KAZN: variants seen among roughly 807,000 people sequenced by gnomAD.
KAZN encodes kazrin, periplakin interacting protein.
A neutral mutation model predicts 87.4 loss-of-function variants in KAZN; 40 were observed. That is an observed-to-expected ratio of 0.46 (90% confidence interval 0.36 to 0.60). The LOEUF is 0.60. KAZN is among the 20% of genes least tolerant of loss of function. The pLI, the probability that KAZN is intolerant of heterozygous loss-of-function variation, is 0.00. For synonymous variants in KAZN, 466 were observed against 458.3 expected (o/e 1.02, Z -0.22); for missense variants, 898 against 1,073.9 (o/e 0.84, Z 2.29).
At chr1:13,934,884 A>G (rs1246957091) in intron 1 of KAZN, among the ~76,000 whole-genome samples, 9 of 152,204 alleles carry the variant, frequency 5.9e-5, no homozygotes, top group Non-Finnish European at 1.5e-5. Context: ...CCCTAACCCC[A>G]GTGCAGGTTC....
chr1:13,915,012 A>T (rs12028319), intron 1 of KAZN, among the ~76,000 whole-genome samples: 5,423 of 151,854 alleles, frequency 0.036, 392 homozygotes, highest in East Asian at 0.32. Flanking sequence ...GAGACAATAG[A>T]TAGTGTTTCC....
intron 1 of KAZN, among the ~76,000 whole-genome samples, chr1:14,755,265 AC>A (rs1385536194): frequency 6.6e-6 from 1 of 151,920 alleles, no homozygotes; most frequent in Non-Finnish European, 1.5e-5. Context: ...AAACAAATGA[AC>A]AAAAAACAGG....
chr1:14,773,308 T>A lies in KAZN; in HGVS notation c.226+174085T>A, dbSNP rs74058884. ...TGGCACACAGTGGTGGCCTGGCGTA[T>A]GAGAAGACCACCCCCCACCCAATCC... is the stretch of plus-strand genomic sequence containing the variant. On this transcript the variant is annotated intron_variant, in intron 1 of 14. Coordinates refer to ENST00000376030, the MANE Select transcript of KAZN (RefSeq NM_201628.3). This position sits in a 1 kb window ranked among gnomAD's most constrained non-coding sequence, Gnocchi z 5.9. Among the ~76,000 whole-genome samples the A allele has an allele frequency of 0.038, 5,706 of 152,104 alleles. 355 individuals carry two copies. Among genetic ancestry groups the A allele is most frequent in the African/African-American group, 0.13 (5,336 of 41,468 alleles).
At chr1:14,427,581 A>C (rs1370781076) in intron 2 of KAZN, among the ~76,000 whole-genome samples, 1 of 149,382 alleles carries the variant, frequency 6.7e-6, no homozygotes, top group Non-Finnish European at 1.5e-5. Context: ...ATATGTGTAC[A>C]CATATGTGTA....
At chr1:14,230,742 T>G (rs561762210) in intron 2 of KAZN, among the ~76,000 whole-genome samples, 1 of 152,330 alleles carries the variant, frequency 6.6e-6, no homozygotes, top group Non-Finnish European at 1.5e-5. Flanking sequence ...AATTGTCTAT[T>G]CTCCCCCTTG....
chr1:14,741,309 G>A (rs946675689), intron 1 of KAZN, among the ~76,000 whole-genome samples: 1 of 152,220 alleles, frequency 6.6e-6, no homozygotes, highest in African/African-American at 2.4e-5. Context: ...GTTGCTCAAT[G>A]TCGGGCATGA....
intron 2 of KAZN, among the ~76,000 whole-genome samples, chr1:14,394,786 G>C (rs974235657): frequency 6.6e-6 from 1 of 152,214 alleles, no homozygotes; most frequent in African/African-American, 2.4e-5. Context: ...AACGCAGTAA[G>C]AACTCTGTGA....
chr1:14,104,446 A>T (rs1263650433), intron 1 of KAZN, among the ~76,000 whole-genome samples: 1 of 152,156 alleles, frequency 6.6e-6, no homozygotes, highest in Non-Finnish European at 1.5e-5. Flanking sequence ...TCTTGTTTAG[A>T]TAAGGTGTTG....
chr1:14,642,269 G>T (rs1038275072), intron 1 of KAZN, among the ~76,000 whole-genome samples: 1 of 152,160 alleles, frequency 6.6e-6, no homozygotes, highest in African/African-American at 2.4e-5. Context: ...GCGTGGTGGC[G>T]CGTGCCTGTA....
intron 1 of KAZN, among the ~76,000 whole-genome samples, chr1:14,157,536 A>G (rs1378846236): frequency 6.6e-6 from 1 of 152,148 alleles, no homozygotes; most frequent in Non-Finnish European, 1.5e-5. Context: ...TCAGCGCTTT[A>G]AATATGTCTT....
intron 2 of KAZN, among the ~76,000 whole-genome samples, chr1:14,440,594 T>C (rs1666643872): frequency 6.6e-6 from 1 of 152,176 alleles, no homozygotes; most frequent in Non-Finnish European, 1.5e-5. Flanking sequence ...AATGACTGAT[T>C]AAGTCATGCT....
intron 2 of KAZN, among the ~76,000 whole-genome samples, chr1:14,310,659 G>C (rs928877847): frequency 5.3e-5 from 8 of 152,156 alleles, no homozygotes; most frequent in Non-Finnish European, 8.8e-5. Context: ...ATGTTCCCCA[G>C]TTGTGAAGTT....
rs199800318 is a variant in KAZN, at chr1:15,044,002, C to A, written c.569C>A (p.Ala190Glu). The change falls in exon 4 of 15, where the codon GCG becomes GAG. Residue 190 changes from alanine (A) to glutamate (E), a missense_variant. Transcript: ENST00000376030. ...TCCCACCCACAGGAGAGCGAGGATG[C>A]GGTCAAAGCGCTGGCCAAGGAGAAG... Reference protein sequence around the residue: ...YEQHRKESEDAVKALAKEKDL... With the variant: ...YEQHRKESEDEVKALAKEKDL... 2.5e-6 allele frequency: 4 copies of A among 1,609,522 alleles called. No homozygotes were observed. In the African/African-American group the frequency reaches 5.3e-5, roughly 22 times the overall value.
intron 2 of KAZN, among the ~76,000 whole-genome samples, chr1:14,432,015 T>C (rs1243397760): frequency 6.6e-6 from 1 of 152,160 alleles, no homozygotes; most frequent in African/African-American, 2.4e-5. Context: ...CCCTGACTAA[T>C]ATAGGAACCA....
chr1:14,174,320 C>G (rs976219461), intron 1 of KAZN, among the ~76,000 whole-genome samples: 1 of 152,110 alleles, frequency 6.6e-6, no homozygotes, highest in Admixed American at 6.5e-5. Flanking sequence ...GCAAGGCAAA[C>G]CCAGGGAGAT....
rs72640704 is a variant in KAZN, at chr1:15,089,006, C to T, written c.1223-5174C>T. On this transcript the variant is annotated intron_variant, in intron 8 of 14. Coordinates refer to ENST00000376030, the MANE Select transcript of KAZN (RefSeq NM_201628.3). ...AGACACACAGGCACACGCACACACA[C>T]GCTCACATTGCACACCAGACGTTTG... Among the ~76,000 whole-genome samples, 1,470 of 152,142 alleles carry T rather than the reference C, an allele frequency of 9.7e-3. 38 individuals carry two copies. Among genetic ancestry groups the T allele is most frequent in the East Asian group, 0.084 (434 of 5,154 alleles).
chr1:13,981,128 T>TGTATATATATATATGTATA (rs375605048), intron 1 of KAZN, among the ~76,000 whole-genome samples: 1 of 134,456 alleles, frequency 7.4e-6, no homozygotes, highest in Non-Finnish European at 1.6e-5. Flanking sequence ...TAAACACAGA[T>TGTATATATATATATGTATA]TATATATAGT....
At chr1:15,022,336 C>T (rs1670759019) in intron 2 of KAZN, among the ~76,000 whole-genome samples, 1 of 152,126 alleles carries the variant, frequency 6.6e-6, no homozygotes, top group Non-Finnish European at 1.5e-5. Context: ...GCCTCTCTGG[C>T]TGTTAGGCAG....
At chr1:14,574,159 A>G (rs976906040) in intron 2 of KAZN, among the ~76,000 whole-genome samples, 13 of 152,200 alleles carry the variant, frequency 8.5e-5, no homozygotes, top group Admixed American at 3.3e-4. Context: ...ACAGGAAGGA[A>G]GAAAGTGACT....
Sources: gnomAD v4.1 joint callset for allele counts (sites outside exome capture counted in the v4.1 genomes callset) on GRCh38, gnomAD v4.1.1 for gene constraint, Gnocchi (gnomAD v3.1) non-coding constraint, MANE v1.5 for transcripts, NCBI Gene and HGNC (gene_info 2026-07-23, HGNC 2026-07-21) for gene names.